Variants in ADAMTS9 observed in about 807,000 individuals in gnomAD.
ADAMTS9 encodes ADAM metallopeptidase with thrombospondin type 1 motif 9.
Under a neutral mutation model 257.1 loss-of-function variants are expected in ADAMTS9, and 107 were observed. The ratio of observed to expected loss-of-function variants is 0.42; its 90% CI spans 0.36 to 0.49. The LOEUF (loss-of-function observed/expected upper bound fraction) is 0.49, where lower values mean the gene tolerates loss of function less well. Among genes scored for constraint, ADAMTS9 ranks in the 20% least tolerant of loss-of-function variants. The pLI is 0.03. For synonymous variants in ADAMTS9, 982 were observed against 880.9 expected (o/e 1.11, Z -2.03); for missense variants, 2,353 against 2,469.1 (o/e 0.95, Z 1.00).
intron 36 of ADAMTS9, 98 bp downstream of exon 36, chr3:64,540,992 ATGTGC>A: frequency 1.4e-6 from 2 of 1,450,224 alleles, no homozygotes; most frequent in Non-Finnish European, 1.9e-6. Context: ...GCAATGTGCA[ATGTGC>A]AATACGCACC....
At chr3:64,644,674 AT>A (rs111271256) in intron 11 of ADAMTS9, among the ~76,000 whole-genome samples, 16 of 152,344 alleles carry the variant, frequency 1.1e-4, no homozygotes, top group African/African-American at 3.8e-4. Flanking sequence ...AACCACAGCC[AT>A]TTTGTACCTT....
chr3:64,602,185 G>A lies in ADAMTS9; in HGVS notation c.3776C>T (p.Ala1259Val). Residue 1259 changes from alanine (A) to valine (V), a missense_variant, in exon 26 of 40, where the codon GCA (alanine) becomes GTA (valine). Ala to Val is a moderately conservative substitution (Grantham distance 64). This residue lies in a region of ADAMTS9 where 1,402 missense variants were observed against 1,441.4 expected (regional missense o/e 0.97). Transcript: ENST00000498707. The stretch of plus-strand genomic sequence containing the variant: ...GTTGACACACATCACTTGCCGGGTT[G>A]CCCTACCTTGCCCACAGGTCACAGA... ...SCSVTCGQGR[A>V]TRQVMCVNYS... The A allele has an allele frequency of 6.2e-7, 1 of 1,613,992 alleles. No homozygotes were observed. The highest frequency in any genetic ancestry group is 8.5e-7 in the Non-Finnish European group (1 of 1,179,978).
intron 2 of ADAMTS9, chr3:64,684,881 A>T (rs1701855216): frequency 6.6e-6 from 1 of 152,224 alleles, no homozygotes; most frequent in African/African-American, 2.4e-5. Context: ...AACTTGACGT[A>T]CACACGCAGT....
chr3:64,609,896 A>G (rs973957002), intron 22 of ADAMTS9, among the ~76,000 whole-genome samples: 6 of 152,180 alleles, frequency 3.9e-5, no homozygotes, highest in Non-Finnish European at 5.9e-5. Context: ...TGATCAAAAC[A>G]GTCTACTGGC....
chr3:64,517,694 G>C (rs993791706), intron 39 of ADAMTS9, among the ~76,000 whole-genome samples: 1 of 151,232 alleles, frequency 6.6e-6, no homozygotes, highest in African/African-American at 2.4e-5. Flanking sequence ...TTGGTATTTT[G>C]GTATTTCCTT....
chr3:64,648,897 A>C (rs894935102), intron 10 of ADAMTS9, among the ~76,000 whole-genome samples: 2 of 152,138 alleles, frequency 1.3e-5, no homozygotes, highest in Non-Finnish European at 2.9e-5. Flanking sequence ...TATTGCCATG[A>C]ATCAAGTTTA....
chr3:64,686,799 G>A lies in ADAMTS9; in HGVS notation c.285C>T (p.Ser95=), dbSNP rs1400862205. 1.2e-6 allele frequency: 2 copies of A among 1,614,090 alleles called. No individual in the cohort carries two copies. The highest frequency in any genetic ancestry group is 1.7e-6 in the Non-Finnish European group (2 of 1,179,982). The change falls in exon 2 of 40, where the codon TCC becomes TCT. Residue 95 remains serine, a synonymous_variant. Transcript: ENST00000498707. This position sits in a 1 kb window ranked among gnomAD's most constrained non-coding sequence, Gnocchi z 4.6. ...AFASSSSSST[S]SQAHYRLSAF... Reference sequence around the variant, plus strand: ...CAGAGAGGCGGTAATGCGCCTGGGAGGAGGTAGAGGAGGAAGAGGAGGAGG... The same window carrying A: ...CAGAGAGGCGGTAATGCGCCTGGGAAGAGGTAGAGGAGGAAGAGGAGGAGG...
At chr3:64,553,027 T>C (rs1226997929) in intron 30 of ADAMTS9, among the ~76,000 whole-genome samples, 6 of 152,034 alleles carry the variant, frequency 3.9e-5, no homozygotes, top group Admixed American at 6.5e-5. Flanking sequence ...ATATGCCCTA[T>C]GTCTTTTTTT....
At chr3:64,530,994 C>T (rs923919673) in intron 38 of ADAMTS9, among the ~76,000 whole-genome samples, 17 of 152,086 alleles carry the variant, frequency 1.1e-4, no homozygotes, top group Middle Eastern at 3.2e-3. Context: ...ATTATAATTT[C>T]GGGGCACATT....
At chr3:64,586,593 G>A (rs1391287870) in intron 28 of ADAMTS9, 1 of 152,140 alleles carries the variant, frequency 6.6e-6, no homozygotes, top group East Asian at 1.9e-4. Context: ...GGCCACTGAG[G>A]AAGAGAACTG....
chr3:64,680,784 T>C (rs1701734802), intron 3 of ADAMTS9, among the ~76,000 whole-genome samples: 2 of 152,062 alleles, frequency 1.3e-5, no homozygotes, highest in Admixed American at 1.3e-4. Context: ...TCTGTAACCC[T>C]ACATGGTGAA....
At chr3:64,665,297 G>C (rs1189035212) in intron 3 of ADAMTS9, among the ~76,000 whole-genome samples, 2 of 152,154 alleles carry the variant, frequency 1.3e-5, no homozygotes, top group African/African-American at 4.8e-5. Flanking sequence ...GCCACAAACA[G>C]CCAATGTTTG....
rs1170810308 is a variant in ADAMTS9 at position 64,516,752 on chromosome 3, T to G, written c.*375A>C. ...AAAATTCATTTTAAAAAAGTAACAA[T>G]AAAACATTTACAGATGAAAAGTAAA... On this transcript the variant is annotated 3_prime_UTR_variant, in exon 40 of 40. Transcript: ENST00000498707. 5 of 152,662 alleles carry G rather than the reference T, an allele frequency of 3.3e-5. No individual in the cohort carries two copies. The East Asian group carries it at 9.7e-4, about 30-fold the overall frequency. 9.5% of individuals were successfully genotyped at this position (152,662 alleles called of 1,614,324 possible). A position where few individuals can be genotyped will look rare whatever the true frequency, so the allele number is the denominator to read the frequency against.
rs1465702897 is a variant in ADAMTS9 at position 64,604,109 on chromosome 3, C to G, written c.3580-20G>C. The G allele has an allele frequency of 6.2e-7, 1 of 1,613,434 alleles. No individual in the cohort carries two copies. The highest frequency in any genetic ancestry group is 2.2e-5 in the East Asian group (1 of 44,822). On this transcript the variant is annotated intron_variant, in intron 24 of 39. Coordinates refer to ENST00000498707, the MANE Select transcript of ADAMTS9 (RefSeq NM_182920.2). ...TGAGCACTGGGTGTTGGAGTAAAAT[C>G]ATGCAGTTATATTACGTGGAATGGC...
At chr3:64,628,786 T>C (rs1173733143) in intron 16 of ADAMTS9, among the ~76,000 whole-genome samples, 5 of 152,190 alleles carry the variant, frequency 3.3e-5, no homozygotes, top group African/African-American at 1.2e-4. Flanking sequence ...CAGTAGGTAG[T>C]CATTAAAGAC....
intron 3 of ADAMTS9, among the ~76,000 whole-genome samples, chr3:64,676,496 C>T (rs1169533669): frequency 1.3e-5 from 2 of 150,534 alleles, no homozygotes; most frequent in Non-Finnish European, 2.9e-5. Flanking sequence ...TGTTTACACA[C>T]ATGTACCCAA....
chr3:64,624,598 C>T (rs1043206870), intron 16 of ADAMTS9, among the ~76,000 whole-genome samples: 3 of 152,118 alleles, frequency 2.0e-5, no homozygotes, highest in African/African-American at 7.2e-5. Flanking sequence ...CTCTAGAAAG[C>T]TTTTCTAAAA....
chr3:64,563,824 A>T (rs1301201788), intron 29 of ADAMTS9, among the ~76,000 whole-genome samples: 7 of 152,248 alleles, frequency 4.6e-5, no homozygotes, highest in Non-Finnish European at 1.0e-4. Flanking sequence ...CTTTCTGAAT[A>T]ATGCATTCAC....
intron 26 of ADAMTS9, among the ~76,000 whole-genome samples, chr3:64,598,789 A>G (rs928903846): frequency 3.3e-5 from 5 of 152,144 alleles, no homozygotes; most frequent in Non-Finnish European, 5.9e-5. Flanking sequence ...TCTCCTTGAT[A>G]ATATAATCTT....
Sources: allele counts gnomAD v4.1 joint callset (sites outside exome capture counted in the v4.1 genomes callset), GRCh38; gene constraint gnomAD v4.1.1; regional missense constraint gnomAD v4.1.1; non-coding constraint Gnocchi (gnomAD v3.1); transcripts MANE v1.5; gene names NCBI Gene and HGNC (gene_info 2026-07-23, HGNC 2026-07-21).